NR6A1: variants seen among roughly 807,000 people sequenced by gnomAD.
NR6A1 encodes nuclear receptor subfamily 6 group A member 1.
A neutral mutation model predicts 59.1 loss-of-function variants in NR6A1; 7 were observed. The observed-to-expected ratio is 0.12, with a 90% CI of 0.07 to 0.22. The LOEUF (loss-of-function observed/expected upper bound fraction) is 0.22. NR6A1 is among the 10% of genes least tolerant of loss of function. The pLI is 1.00. For synonymous variants in NR6A1, 243 were observed against 236.1 expected (o/e 1.03, Z -0.27); for missense variants, 468 against 611.6 (o/e 0.77, Z 2.48).
At chr9:124,553,549 C>CTTTTT (rs780925768) in intron 3 of NR6A1, among the ~76,000 whole-genome samples, 17 of 47,262 alleles carry the variant, frequency 3.6e-4, no homozygotes, top group Middle Eastern at 0.038. Flanking sequence ...TTTAGCTTGA[C>CTTTTT]TTTTTTTTTT....
At chr9:124,595,948 T>A in intron 2 of NR6A1, 1 of 495,600 alleles carries the variant, frequency 2.0e-6, no homozygotes, top group Non-Finnish European at 3.4e-6. Flanking sequence ...GTTCAGGCTC[T>A]AAGGTCACAA....
At chr9:124,633,839 G>T (rs565808653) in intron 2 of NR6A1, among the ~76,000 whole-genome samples, 1 of 152,350 alleles carries the variant, frequency 6.6e-6, no homozygotes, top group East Asian at 1.9e-4. Flanking sequence ...TAACCTCCAT[G>T]TGGACTGCCT....
chr9:124,690,495 A>G (rs1838502340), intron 2 of NR6A1, among the ~76,000 whole-genome samples: 1 of 152,090 alleles, frequency 6.6e-6, no homozygotes, highest in South Asian at 2.1e-4. Context: ...ACCAATCTAA[A>G]TCAAGAGTTA....
chr9:124,524,969 C>T, intron 8 of NR6A1, 96 bp from the exon 9 acceptor site: 1 of 1,348,936 alleles, frequency 7.4e-7, no homozygotes, highest in Non-Finnish European at 9.9e-7. Flanking sequence ...GTTCATTTTT[C>T]AACTAAGTTA....
chr9:124,567,670 C>T (rs1308882538), intron 2 of NR6A1, among the ~76,000 whole-genome samples: 1 of 151,930 alleles, frequency 6.6e-6, no homozygotes, highest in Non-Finnish European at 1.5e-5. Context: ...CTATTGAGAA[C>T]CACTTTGGTG....
chr9:124,732,079 T>C (rs1033790147), intron 2 of NR6A1, among the ~76,000 whole-genome samples: 1 of 152,158 alleles, frequency 6.6e-6, no homozygotes, highest in African/African-American at 2.4e-5. Flanking sequence ...ATGAGAACTA[T>C]TTTGCCTAAA....
chr9:124,692,149 T>C (rs1838569499), intron 2 of NR6A1, among the ~76,000 whole-genome samples: 1 of 152,210 alleles, frequency 6.6e-6, no homozygotes, highest in African/African-American at 2.4e-5. Flanking sequence ...ATCCCCAATA[T>C]ATGTTAATCT....
At chr9:124,721,877 G>A (rs1839574033) in intron 2 of NR6A1, among the ~76,000 whole-genome samples, 1 of 152,174 alleles carries the variant, frequency 6.6e-6, no homozygotes, top group South Asian at 2.1e-4. Context: ...TAAAGCAGGG[G>A]CTCTGAAGTC....
intron 1 of NR6A1, among the ~76,000 whole-genome samples, chr9:124,741,264 ACAC>A (rs147321802): frequency 0.01 from 1,543 of 152,332 alleles, 24 homozygotes; most frequent in African/African-American, 0.035. Flanking sequence ...TAAATTTGTC[ACAC>A]CACATGTTTT....
Position 124,744,166 on chromosome 9 carries a change from G to C in NR6A1, c.101-10817C>G, listed in dbSNP as rs574399446. ...GAGGTGGGAGGACCACTTGAGCCTG[G>C]GAGGTTGAGGCCGCAGTGAGCCAGG... is the stretch of plus-strand genomic sequence containing the variant. On this transcript the variant is annotated intron_variant, in intron 1 of 9. Transcript: ENST00000487099. Among the ~76,000 whole-genome samples, 50 of 152,272 alleles carry C rather than the reference G, an allele frequency of 3.3e-4. 1 individual carries two copies. The South Asian group carries it at 1.0e-2, about 30-fold the overall frequency.
intron 2 of NR6A1, among the ~76,000 whole-genome samples, chr9:124,677,275 T>G (rs1837994387): frequency 6.6e-6 from 1 of 152,144 alleles, no homozygotes; most frequent in African/African-American, 2.4e-5. Context: ...TCCTTTCTTC[T>G]GGAGACAGAG....
At chr9:124,580,460 G>GA (rs1377594101) in intron 2 of NR6A1, among the ~76,000 whole-genome samples, 1 of 152,026 alleles carries the variant, frequency 6.6e-6, no homozygotes, top group Non-Finnish European at 1.5e-5. Flanking sequence ...GTTCTGGCTA[G>GA]AAAATACTAT....
At chr9:124,522,886 C>T in intron 9 of NR6A1, 93 bp from the exon 10 acceptor site, 34 of 940,166 alleles carry the variant, frequency 3.6e-5, no homozygotes, top group Non-Finnish European at 5.4e-5. Flanking sequence ...AGAGTATCAC[C>T]TTGCTGAGTG....
intron 1 of NR6A1, 88 bp downstream of exon 1, chr9:124,770,932 G>A (rs1841134776): frequency 2.6e-6 from 2 of 766,890 alleles, no homozygotes; most frequent in East Asian, 3.4e-5. Context: ...TTCCCAGGGC[G>A]AGGGTCGGCA....
At chr9:124,528,807 T>C (rs1403196508) in intron 7 of NR6A1, among the ~76,000 whole-genome samples, 1 of 152,060 alleles carries the variant, frequency 6.6e-6, no homozygotes, top group East Asian at 1.9e-4. Flanking sequence ...ACCAGTGTAA[T>C]AACTATTTAC....
In NR6A1 at chr9:124,666,633, T is replaced by C. The variant is rs191293139; in HGVS notation, c.142+66675A>G. Among the ~76,000 whole-genome samples, 5 of 152,310 alleles carry C rather than the reference T, an allele frequency of 3.3e-5. No individual in the cohort carries two copies. In the East Asian group the frequency reaches 5.8e-4, roughly 18 times the overall value. ...TTGTCAGGCTCATTTCTCTGTATAA[T>C]CCTCTATTACTAGAACAGAAAAATT... is the stretch of plus-strand genomic sequence containing the variant. On this transcript the variant is annotated intron_variant, in intron 2 of 9. Coordinates refer to ENST00000487099, the MANE Select transcript of NR6A1 (RefSeq NM_033334.4).
intron 2 of NR6A1, chr9:124,607,267 G>A (rs1408209423): frequency 6.6e-6 from 1 of 152,194 alleles, no homozygotes; most frequent in Non-Finnish European, 1.5e-5. Flanking sequence ...CCAATCCGGT[G>A]TTCCACACTA....
intron 2 of NR6A1, among the ~76,000 whole-genome samples, chr9:124,723,249 C>T (rs1222266715): frequency 6.6e-6 from 1 of 152,056 alleles, no homozygotes; most frequent in Non-Finnish European, 1.5e-5. Context: ...TAAGACCTTG[C>T]TATTGACCAA....
chr9:124,737,567 G>A (rs1422433204), intron 1 of NR6A1, among the ~76,000 whole-genome samples: 2 of 152,186 alleles, frequency 1.3e-5, no homozygotes, highest in Admixed American at 1.3e-4. Flanking sequence ...GAGTTGTTCA[G>A]CAGAAAGCAG....
Sources: allele counts gnomAD v4.1 joint callset (sites outside exome capture counted in the v4.1 genomes callset), GRCh38; gene constraint gnomAD v4.1.1; transcripts MANE v1.5; gene names NCBI Gene and HGNC (gene_info 2026-07-23, HGNC 2026-07-21).